LRBA: variants seen among roughly 807,000 people sequenced by gnomAD.
LRBA encodes LPS responsive beige-like anchor protein.
In LRBA, 176 loss-of-function variants were observed where a neutral mutation model predicts 330.0. That is an observed-to-expected ratio of 0.53 (90% CI 0.47 to 0.60). The LOEUF is 0.60. Among genes scored for constraint, LRBA ranks in the 20% least tolerant of loss-of-function variants. LRBA has a pLI of 0.00. For missense variants in LRBA, 3,259 were observed against 3,444.8 expected (o/e 0.95, Z 1.35); for synonymous variants, 1,230 against 1,193.0 (o/e 1.03, Z -0.64).
intron 34 of LRBA, among the ~76,000 whole-genome samples, chr4:150,770,492 T>C (rs1189261902): frequency 6.6e-6 from 1 of 152,070 alleles, no homozygotes; most frequent in Non-Finnish European, 1.5e-5. Context: ...ACTTAAATAC[T>C]ATGGTGTTGA....
intron 30 of LRBA, among the ~76,000 whole-genome samples, chr4:150,818,018 C>T (rs1471880728): frequency 6.6e-6 from 1 of 152,052 alleles, no homozygotes; most frequent in Non-Finnish European, 1.5e-5. Context: ...CTTTTAATTA[C>T]CTGGTGTTAA....
chr4:150,927,205 T>A (rs1209993644), intron 4 of LRBA, among the ~76,000 whole-genome samples: 1 of 151,518 alleles, frequency 6.6e-6, no homozygotes. Context: ...AAACCCCGTC[T>A]CTACTAAAAA....
intron 22 of LRBA, 33 bp downstream of exon 22, chr4:150,867,638 A>C: frequency 2.0e-6 from 3 of 1,509,966 alleles, no homozygotes; most frequent in Non-Finnish European, 2.7e-6. Context: ...AGATATTTAA[A>C]ATGCTACAAT....
chr4:150,475,637 C>G (rs1696004013), intron 42 of LRBA, among the ~76,000 whole-genome samples: 1 of 151,794 alleles, frequency 6.6e-6, no homozygotes, highest in Admixed American at 6.6e-5. Flanking sequence ...TGGTTCACAC[C>G]TGTAATCCCA....
chr4:150,612,336 G>A (rs1775359245), intron 37 of LRBA, among the ~76,000 whole-genome samples: 1 of 152,124 alleles, frequency 6.6e-6, no homozygotes. Flanking sequence ...AATACTGAGA[G>A]TAAATAACTG....
At chr4:150,942,831 T>C (rs1735828241) in intron 2 of LRBA, among the ~76,000 whole-genome samples, 1 of 152,178 alleles carries the variant, frequency 6.6e-6, no homozygotes, top group Non-Finnish European at 1.5e-5. Context: ...TAGTCTCATG[T>C]TTCCTTACAC....
chr4:150,396,385 C>T (rs1581198214), intron 47 of LRBA, among the ~76,000 whole-genome samples: 1 of 152,028 alleles, frequency 6.6e-6, no homozygotes, highest in South Asian at 2.1e-4. Flanking sequence ...CTGAATTGTA[C>T]CACCAGCCTC....
rs550389924 is a variant in LRBA, at chr4:150,831,928, T to G, written c.4618A>C (p.Ile1540Leu). ...QFLALAVVYF[I>L]SVLMVSKYRD... ...TACTTGGAGACCATAAGAACAGAGA[T>G]AAAGTATACTACTGCCAAGGCTAAA... Residue 1540 changes from isoleucine to leucine, a missense_variant, in exon 29 of 57, where the codon ATC becomes CTC. Transcript: ENST00000651943. 25 of 1,592,754 alleles carry G rather than the reference T, an allele frequency of 1.6e-5. 1 individual carries two copies. The highest frequency in any genetic ancestry group is 1.3e-4 in the African/African-American group (10 of 74,596).
At position 150,583,802 on chromosome 4, in the gene LRBA, G is replaced by C; in HGVS notation, c.6330+4246C>G. On this transcript the variant is annotated intron_variant, in intron 40 of 56. Transcript: ENST00000651943. The surrounding 1 kb of genome is among the most constrained non-coding windows in gnomAD (Gnocchi z 9.8). ...TGCCTCTCAGTGCTGAAGACTCTGC[G>C]GGACCGCCACCTGGAGCTACCCGGC... is the stretch of plus-strand genomic sequence containing the variant. 6.2e-7 allele frequency: 1 copy of C among 1,614,170 alleles called. No homozygotes were observed. Among genetic ancestry groups the C allele is most frequent in the Non-Finnish European group, 8.5e-7 (1 of 1,180,022 alleles).
At position 150,581,126 on chromosome 4, in the gene LRBA, C is replaced by T. The variant is rs1234629455; in HGVS notation, c.6330+6922G>A. 6 of 184,566 alleles carry T rather than the reference C, an allele frequency of 3.3e-5. No homozygotes were observed. In the South Asian group the frequency reaches 6.3e-4, roughly 19 times the overall value. The allele number at this position is 184,566 out of a possible 1,614,324, so 11.4% of individuals were successfully genotyped here. On this transcript the variant is annotated intron_variant, in intron 40 of 56. Coordinates refer to ENST00000651943, the MANE Select transcript of LRBA (RefSeq NM_001364905.1). ...AAGTTCTACGACATGTAAGTTTGCACCATTTCTCACAACTTAGATATTTTC... is the reference window on the plus strand; with the variant it reads ...AAGTTCTACGACATGTAAGTTTGCATCATTTCTCACAACTTAGATATTTTC...
At chr4:150,681,262 A>G (rs948865406) in intron 37 of LRBA, among the ~76,000 whole-genome samples, 1 of 152,196 alleles carries the variant, frequency 6.6e-6, no homozygotes, top group Non-Finnish European at 1.5e-5. Context: ...TGTTATTCCC[A>G]TTTATTACAA....
intron 40 of LRBA, among the ~76,000 whole-genome samples, chr4:150,507,758 G>C (rs1761288889): frequency 6.6e-6 from 1 of 152,044 alleles, no homozygotes; most frequent in Non-Finnish European, 1.5e-5. Context: ...AGCTTCTGCA[G>C]AGCAAAAGAA....
At chr4:150,594,624 T>C (rs900296016) in intron 38 of LRBA, among the ~76,000 whole-genome samples, 1 of 152,088 alleles carries the variant, frequency 6.6e-6, no homozygotes, top group African/African-American at 2.4e-5. Context: ...TTATTCTGGT[T>C]TAATTTCACC....
Position 150,678,816 on chromosome 4 carries a change from A to C in LRBA, c.5921+4735T>G, listed in dbSNP as rs148711575. ...AGCTCCTAGGCATGGCTTAGGAATA[A>C]AAATAAACGCATTAGAAAGAATAAG... On this transcript the variant is annotated intron_variant, in intron 37 of 56. Coordinates refer to ENST00000651943, the MANE Select transcript of LRBA (RefSeq NM_001364905.1). 4.2e-3 allele frequency among the ~76,000 whole-genome samples: 645 copies of C among 152,310 alleles called. 4 individuals carry two copies. The highest frequency in any genetic ancestry group is 0.015 in the African/African-American group (624 of 41,574).
chr4:150,884,247 C>T (rs1039622659), intron 17 of LRBA, among the ~76,000 whole-genome samples: 6 of 152,138 alleles, frequency 3.9e-5, no homozygotes, highest in African/African-American at 1.4e-4. Context: ...AAACCAGCAG[C>T]TTTGCTAGAT....
chr4:150,325,972 A>C lies in LRBA; in HGVS notation c.7363-74T>G, dbSNP rs1581019255. 4 of 814,238 alleles carry C rather than the reference A, an allele frequency of 4.9e-6. No homozygotes were observed. The East Asian group carries it at 1.0e-4, about 21-fold the overall frequency. The allele number at this position is 814,238 out of a possible 1,614,324, so 50.4% of individuals were successfully genotyped here. On this transcript the variant is annotated intron_variant, in intron 48 of 56. Transcript: ENST00000651943. Reference sequence around the variant, plus strand: ...GAAATAGAACCCCAACTGTCACCTGAAAATATCATTCCATACTCTGGCTTG... The same window carrying C: ...GAAATAGAACCCCAACTGTCACCTGCAAATATCATTCCATACTCTGGCTTG...
intron 36 of LRBA, among the ~76,000 whole-genome samples, chr4:150,688,155 CT>C (rs2126938406): frequency 6.6e-6 from 1 of 152,254 alleles, no homozygotes; most frequent in East Asian, 1.9e-4. Context: ...CACCACACAT[CT>C]ACAACCATCT....
intron 40 of LRBA, among the ~76,000 whole-genome samples, chr4:150,531,215 G>A (rs1764025637): frequency 1.3e-5 from 2 of 152,142 alleles, no homozygotes; most frequent in Admixed American, 1.3e-4. Flanking sequence ...GAATAATTCA[G>A]AATGATTCTT....
At chr4:150,494,860 C>T (rs887818759) in intron 40 of LRBA, among the ~76,000 whole-genome samples, 1 of 152,040 alleles carries the variant, frequency 6.6e-6, no homozygotes, top group Non-Finnish European at 1.5e-5. Context: ...ATTAGCCAGG[C>T]GTGGTTGCGG....
Sources: allele counts gnomAD v4.1 joint callset (sites outside exome capture counted in the v4.1 genomes callset), GRCh38; gene constraint gnomAD v4.1.1; non-coding constraint Gnocchi (gnomAD v3.1); transcripts MANE v1.5; gene names NCBI Gene and HGNC (gene_info 2026-07-23, HGNC 2026-07-21).